Variants in PIP4K2A observed in about 807,000 individuals in gnomAD.
PIP4K2A encodes the protein phosphatidylinositol 5-phosphate 4-kinase type-2 alpha.
PIP4K2A carries 14 observed loss-of-function variants against 42.9 expected under a neutral mutation model. The ratio of observed to expected loss-of-function variants is 0.33; its 90% CI spans 0.22 to 0.51. PIP4K2A has a LOEUF of 0.51. PIP4K2A is among the 20% of genes least tolerant of loss of function. The pLI is 0.97. For missense variants in PIP4K2A, 434 were observed against 519.8 expected, an observed-to-expected ratio of 0.83 and a Z score of 1.61; for synonymous variants, 192 against 192.2, an observed-to-expected ratio of 1.00 and a Z score of 0.01.
intron 1 of PIP4K2A, among the ~76,000 whole-genome samples, chr10:22,653,270 G>A (rs546053299): frequency 1.1e-4 from 17 of 152,142 alleles, no homozygotes; most frequent in Non-Finnish European, 1.9e-4. Context: ...GGGGCAGTAC[G>A]TGGGAGGTAA....
At chr10:22,616,695 TAAA>T (rs111976859) in intron 1 of PIP4K2A, among the ~76,000 whole-genome samples, 1 of 147,634 alleles carries the variant, frequency 6.8e-6, no homozygotes, top group Non-Finnish European at 1.5e-5. Flanking sequence ...ATTCCTTATT[TAAA>T]AAAAAAAAGT....
intron 1 of PIP4K2A, among the ~76,000 whole-genome samples, chr10:22,632,778 G>A (rs909692199): frequency 2.6e-5 from 4 of 152,096 alleles, no homozygotes; most frequent in Admixed American, 1.3e-4. Context: ...AAGGTAGGGG[G>A]AAATAGGACA....
At chr10:22,615,936 T>C (rs1838168661) in intron 1 of PIP4K2A, among the ~76,000 whole-genome samples, 1 of 151,748 alleles carries the variant, frequency 6.6e-6, no homozygotes, top group Non-Finnish European at 1.5e-5. Context: ...CGACTTCTTG[T>C]TCCTGTTTAT....
chr10:22,645,331 A>G (rs1478209303), intron 1 of PIP4K2A, among the ~76,000 whole-genome samples: 1 of 152,170 alleles, frequency 6.6e-6, no homozygotes, highest in Non-Finnish European at 1.5e-5. Flanking sequence ...GGATTACCTG[A>G]GCCCAGGAGT....
At chr10:22,636,494 C>T (rs1340918869) in intron 1 of PIP4K2A, among the ~76,000 whole-genome samples, 1 of 152,168 alleles carries the variant, frequency 6.6e-6, no homozygotes, top group Non-Finnish European at 1.5e-5. Context: ...AACTTCTGGC[C>T]TCAAGCGATT....
At chr10:22,606,008 G>A (rs1837898568) in intron 3 of PIP4K2A, among the ~76,000 whole-genome samples, 1 of 152,072 alleles carries the variant, frequency 6.6e-6, no homozygotes, top group African/African-American at 2.4e-5. Flanking sequence ...TAAATTTCAA[G>A]TCCATAATTG....
chr10:22,690,227 C>T (rs1839837021), intron 1 of PIP4K2A, among the ~76,000 whole-genome samples: 1 of 152,250 alleles, frequency 6.6e-6, no homozygotes, highest in South Asian at 2.1e-4. Context: ...AATCTAGGTG[C>T]TAATACTACC....
intron 1 of PIP4K2A, among the ~76,000 whole-genome samples, chr10:22,664,305 T>C (rs1033426126): frequency 2.0e-5 from 3 of 147,084 alleles, no homozygotes; most frequent in Admixed American, 7.0e-5. Context: ...AGAAAGACTA[T>C]TAAATTACAT....
chr10:22,656,134 C>T (rs929890457), intron 1 of PIP4K2A, among the ~76,000 whole-genome samples: 9 of 152,212 alleles, frequency 5.9e-5, no homozygotes, highest in African/African-American at 2.2e-4. Context: ...TAGAATTACT[C>T]CTAAGTGTTT....
intron 6 of PIP4K2A, among the ~76,000 whole-genome samples, chr10:22,561,473 T>C (rs1836693222): frequency 6.6e-6 from 1 of 151,028 alleles, no homozygotes; most frequent in Admixed American, 6.6e-5. Flanking sequence ...TATGGAAAAC[T>C]AGAAGTTATA....
intron 1 of PIP4K2A, among the ~76,000 whole-genome samples, chr10:22,697,163 T>A (rs1839988609): frequency 6.6e-6 from 1 of 151,970 alleles, no homozygotes; most frequent in South Asian, 2.1e-4. Flanking sequence ...GGCTACTTTG[T>A]ATGTTAAGTA....
At chr10:22,597,721 A>G (rs1588652994) in intron 3 of PIP4K2A, among the ~76,000 whole-genome samples, 3 of 54,510 alleles carry the variant, frequency 5.5e-5, no homozygotes, top group African/African-American at 2.8e-4. Context: ...TCTGCATGGA[A>G]AAAAAAAAAG....
At chr10:22,549,854 AAAAAAAAAAAAAAAAAAAAAG>A (rs2130758004) in intron 7 of PIP4K2A, among the ~76,000 whole-genome samples, 1 of 78,698 alleles carries the variant, frequency 1.3e-5, no homozygotes, top group South Asian at 3.1e-4. Context: ...AAAAAAAAAA[AAAAAAAAAAAAAAAAAAAAAG>A]AAAGGAAAGA....
chr10:22,664,430 G>GT (rs577265279), intron 1 of PIP4K2A, among the ~76,000 whole-genome samples: 77 of 148,752 alleles, frequency 5.2e-4, no homozygotes, highest in African/African-American at 1.8e-3. Context: ...CCTCTTCATG[G>GT]TTTTTTTAAT....
intron 1 of PIP4K2A, among the ~76,000 whole-genome samples, chr10:22,612,873 G>A (rs1838087749): frequency 6.6e-6 from 1 of 152,156 alleles, no homozygotes; most frequent in South Asian, 2.1e-4. Flanking sequence ...AGGGGCAGCA[G>A]GGGCAAGAGA....
chr10:22,699,583 C>T (rs914301045), intron 1 of PIP4K2A, among the ~76,000 whole-genome samples: 2 of 152,124 alleles, frequency 1.3e-5, no homozygotes, highest in Non-Finnish European at 2.9e-5. Context: ...TAATGTTCTG[C>T]TTGTTTAGAG....
intron 1 of PIP4K2A, among the ~76,000 whole-genome samples, chr10:22,713,518 G>A (rs1004033477): frequency 6.6e-6 from 1 of 152,232 alleles, no homozygotes; most frequent in Non-Finnish European, 1.5e-5. Flanking sequence ...GGCGATGCGG[G>A]AGAAGCGCAG....
At chr10:22,671,032 T>C (rs767135627) in intron 1 of PIP4K2A, among the ~76,000 whole-genome samples, 1 of 152,182 alleles carries the variant, frequency 6.6e-6, no homozygotes, top group Non-Finnish European at 1.5e-5. Context: ...TAAATGCCTT[T>C]CCCTTCACTG....
chr10:22,634,832 T>G (rs1838627198), intron 1 of PIP4K2A, among the ~76,000 whole-genome samples: 1 of 152,190 alleles, frequency 6.6e-6, no homozygotes, highest in Non-Finnish European at 1.5e-5. Context: ...TACTAGGCTG[T>G]AAAATGTCTC....
Sources: allele counts gnomAD v4.1 joint callset (sites outside exome capture counted in the v4.1 genomes callset), GRCh38; gene constraint gnomAD v4.1.1; transcripts MANE v1.5; gene names NCBI Gene and HGNC (gene_info 2026-07-23, HGNC 2026-07-21).